Variants in DYSF observed in about 807,000 individuals in gnomAD.
DYSF encodes dystrophy-associated fer-1-like 1.
Under a neutral mutation model 274.9 loss-of-function variants are expected in DYSF, and 212 were observed. That is an observed-to-expected ratio of 0.77 (90% CI 0.69 to 0.86). The LOEUF (loss-of-function observed/expected upper bound fraction) is 0.86, where lower values mean the gene tolerates loss of function less well. Among genes scored for constraint, DYSF ranks in the 40% least tolerant of loss-of-function variants. The probability of loss-of-function intolerance (pLI) is 0.00; values close to 1 mark genes in which losing one functional copy is unlikely to be tolerated. For synonymous variants in DYSF, 1,091 were observed against 1,078.7 expected, an observed-to-expected ratio of 1.01 and a Z score of -0.22; for missense variants, 2,666 against 2,783.2, an observed-to-expected ratio of 0.96 and a Z score of 0.95.
At chr2:71,511,305 C>T (rs752564420) in intron 4 of DYSF, among the ~76,000 whole-genome samples, 6 of 152,222 alleles carry the variant, frequency 3.9e-5, no homozygotes, top group Non-Finnish European at 8.8e-5. Flanking sequence ...CTGAGCAAAG[C>T]AGAGCAAAGC....
intron 14 of DYSF, among the ~76,000 whole-genome samples, 179 bp downstream of exon 14, chr2:71,528,580 C>T (rs969140767): frequency 3.3e-5 from 5 of 152,122 alleles, no homozygotes; most frequent in South Asian, 4.1e-4. Flanking sequence ...GGGACTGCCC[C>T]GCACACGAAT....
At chr2:71,619,460 C>G (rs1026970655) in intron 40 of DYSF, among the ~76,000 whole-genome samples, 3 of 152,164 alleles carry the variant, frequency 2.0e-5, no homozygotes, top group African/African-American at 7.2e-5. Context: ...CTGGGCCCAG[C>G]AGGGCTTCAC....
Position 71,568,199 on chromosome 2 carries a change from G to T in DYSF, c.2725G>T (p.Val909Phe). 9 of 1,614,232 alleles carry T rather than the reference G, an allele frequency of 5.6e-6. No homozygotes were observed. Among genetic ancestry groups the T allele is most frequent in the Non-Finnish European group, 6.8e-6 (8 of 1,180,046 alleles). ...TYENETKLAL[V>F]GNWGTTGLTY... is the part of the protein sequence containing the mutation. Reference sequence around the variant, plus strand: ...TGAGAACGAGACTAAGTTGGCCCTTGTTGGGAACTGGGGCACAACGGGCCT... The same window carrying T: ...TGAGAACGAGACTAAGTTGGCCCTTTTTGGGAACTGGGGCACAACGGGCCT... The change falls in exon 26 of 56, where the codon GTT becomes TTT. Residue 909 changes from valine (V) to phenylalanine (F), a missense_variant. Around this residue, in one of 3 missense-constraint regions of DYSF, gnomAD observed 412 missense variants for 504.0 expected, o/e 0.82. Coordinates refer to ENST00000410020, the MANE Select transcript of DYSF (RefSeq NM_001130987.2).
intron 31 of DYSF, 52 bp downstream of exon 31, chr2:71,589,738 G>A (rs1048780961): frequency 1.0e-5 from 15 of 1,490,352 alleles, no homozygotes; most frequent in Non-Finnish European, 1.4e-5. Context: ...GTCACCTTAT[G>A]CTTCTGTTTG....
At chr2:71,633,728 T>G (rs1241470084) in intron 41 of DYSF, among the ~76,000 whole-genome samples, 1 of 152,148 alleles carries the variant, frequency 6.6e-6, no homozygotes, top group Non-Finnish European at 1.5e-5. Context: ...GGCATATAGT[T>G]CTGCATAGTG....
Position 71,466,907 on chromosome 2 carries a change from A to T in DYSF, c.65A>T (p.Asp22Val). ...AGTGCGAAGAAGGACCGGCGCAGCG[A>T]CCCTGTCGCAAGCCTGACTTTCCGA... ...LPSAKKDRRS[D>V]PVASLTFRGV... The change falls in exon 1 of 56, where the codon GAC becomes GTC. Residue 22 changes from aspartate (D) to valine (V), a missense_variant. Around this residue, in one of 3 missense-constraint regions of DYSF, gnomAD observed 794 missense variants for 777.1 expected, o/e 1.02. Coordinates refer to ENST00000410020, the MANE Select transcript of DYSF (RefSeq NM_001130987.2). 1 of 1,549,974 alleles carries T rather than the reference A, an allele frequency of 6.5e-7. No homozygotes were observed. Among genetic ancestry groups the T allele is most frequent in the Non-Finnish European group, 8.7e-7 (1 of 1,145,884 alleles).
chr2:71,631,416 T>C (rs1416625756), intron 41 of DYSF, among the ~76,000 whole-genome samples: 2 of 152,226 alleles, frequency 1.3e-5, no homozygotes, highest in Non-Finnish European at 2.9e-5. Context: ...TGAAAGTAAC[T>C]GTACTTCTTT....
chr2:71,612,887 C>G, intron 39 of DYSF, 81 bp downstream of exon 39: 1 of 1,489,392 alleles, frequency 6.7e-7, no homozygotes, highest in South Asian at 1.3e-5. Context: ...GAGATGCATC[C>G]TGAAACCCTT....
intron 41 of DYSF, among the ~76,000 whole-genome samples, chr2:71,629,508 ATCT>A (rs1313006956): frequency 6.6e-6 from 1 of 152,182 alleles, no homozygotes; most frequent in Non-Finnish European, 1.5e-5. Context: ...TTGGAACTTT[ATCT>A]GAGAATTCTT....
chr2:71,628,731 A>G (rs2094256749), intron 41 of DYSF, among the ~76,000 whole-genome samples: 2 of 152,132 alleles, frequency 1.3e-5, no homozygotes, highest in Non-Finnish European at 2.9e-5. Context: ...CAGGCAGATC[A>G]TTGAGCTCAG....
chr2:71,634,854 GGCC>G (rs2094372474), intron 41 of DYSF, among the ~76,000 whole-genome samples: 1 of 152,142 alleles, frequency 6.6e-6, no homozygotes, highest in African/African-American at 2.4e-5. Context: ...TGGGCACACA[GGCC>G]ATACTGCATC....
chr2:71,478,168 T>C (rs920206485), intron 1 of DYSF, among the ~76,000 whole-genome samples: 1 of 151,924 alleles, frequency 6.6e-6, no homozygotes, highest in Admixed American at 6.6e-5. Flanking sequence ...TAAAAATTCA[T>C]AGATGCAGGC....
Position 71,551,635 on chromosome 2 carries a change from T to C in DYSF, c.1721T>C (p.Leu574Pro), listed in dbSNP as rs200916654. Residue 574 changes from leucine (L) to proline (P), a missense_variant, in exon 19 of 56, where the codon CTT becomes CCT. This residue lies in a region of DYSF where 794 missense variants were observed against 777.1 expected (regional missense o/e 1.02). Coordinates refer to ENST00000410020, the MANE Select transcript of DYSF (RefSeq NM_001130987.2). ...KGEGVAYRGR[L>P]LLSLETKLVE... is the part of the protein sequence containing the mutation. The stretch of plus-strand genomic sequence containing the variant: ...GAAGGTGTGGCTTATCGTGGCCGGC[T>C]TCTGCTCTCCCTGGAGACCAAGCTG... The C allele has an allele frequency of 5.0e-6, 8 of 1,609,460 alleles. No homozygotes were observed. The East Asian group carries it at 1.8e-4, about 36-fold the overall frequency.
At chr2:71,659,578 T>C (rs1485531412) in intron 44 of DYSF, among the ~76,000 whole-genome samples, 1 of 152,236 alleles carries the variant, frequency 6.6e-6, no homozygotes, top group Non-Finnish European at 1.5e-5. Context: ...TGATATTTTG[T>C]TCATCATGGA....
At position 71,457,876 on chromosome 2, in the gene DYSF, G is replaced by A. The variant is rs762166611; in HGVS notation, c.88+3790G>A. Among the ~76,000 whole-genome samples the A allele has an allele frequency of 3.9e-5, 6 of 152,282 alleles. No individual in the cohort carries two copies. In the South Asian group the frequency reaches 6.2e-4, roughly 16 times the overall value. The stretch of plus-strand genomic sequence containing the variant: ...CTGTGGTGCGTATGGCAGGTGCTCC[G>A]GGACTTCCAGGGAGGGGGTCATGTA... On this transcript the variant is annotated intron_variant, in intron 1 of 54. Transcript: ENST00000258104.
rs188198900 is a variant in DYSF at position 71,499,162 on chromosome 2, C to T, written c.240-4052C>T. 1.2e-4 allele frequency among the ~76,000 whole-genome samples: 19 copies of T among 152,320 alleles called. No individual in the cohort carries two copies. The East Asian group carries it at 3.5e-3, about 28-fold the overall frequency. ...CTTCTTAGTTTCTTATGGATCATTC[C>T]AGAGATCTTATATTATTGCTTAATC... On this transcript the variant is annotated intron_variant, in intron 3 of 55. Coordinates refer to ENST00000410020, the MANE Select transcript of DYSF (RefSeq NM_001130987.2).
intron 45 of DYSF, among the ~76,000 whole-genome samples, chr2:71,662,534 GTC>G (rs1447492125): frequency 2.0e-5 from 3 of 151,408 alleles, no homozygotes; most frequent in Non-Finnish European, 2.9e-5. Context: ...GTGTTCGTGT[GTC>G]TGTGTGGTGT....
exon 1 of DYSF, chr2:71,453,905 C>A: frequency 7.8e-7 from 1 of 1,289,268 alleles, no homozygotes; most frequent in East Asian, 2.4e-5. Flanking sequence ...CCAGCCCTCT[C>A]CAGCGAGGGG....
rs563745365 is a variant in DYSF at position 71,467,512 on chromosome 2, A to G, written c.91+579A>G. 7.2e-5 allele frequency among the ~76,000 whole-genome samples: 11 copies of G among 152,316 alleles called. No individual in the cohort carries two copies. The East Asian group carries it at 2.1e-3, about 29-fold the overall frequency. ...TAAATTCAAGAAGCTAAGTCCCTAC[A>G]TGTAGTGCTTAGAATACATACAGGT... On this transcript the variant is annotated intron_variant, in intron 1 of 55. Coordinates refer to ENST00000410020, the MANE Select transcript of DYSF (RefSeq NM_001130987.2).
Sources: gnomAD v4.1 joint callset for allele counts (sites outside exome capture counted in the v4.1 genomes callset) on GRCh38, gnomAD v4.1.1 for gene constraint, gnomAD v4.1.1 regional missense constraint, MANE v1.5 for transcripts, NCBI Gene and HGNC (gene_info 2026-07-23, HGNC 2026-07-21) for gene names.